MNAT1: variants seen among roughly 807,000 people sequenced by gnomAD.
MNAT1 encodes CDK-activating kinase assembly factor MAT1.
In MNAT1, 43 loss-of-function variants were observed where a neutral mutation model predicts 42.0. The ratio of observed to expected loss-of-function variants is 1.02; its 90% confidence interval spans 0.80 to 1.32. The LOEUF (loss-of-function observed/expected upper bound fraction) is 1.32, where lower values mean the gene tolerates loss of function less well. Among genes scored for constraint, MNAT1 ranks in the 40% most tolerant of loss-of-function variants. The probability of loss-of-function intolerance (pLI) is 0.00; values close to 1 mark genes in which losing one functional copy is unlikely to be tolerated. For missense variants in MNAT1, 306 were observed against 350.4 expected (o/e 0.87, Z 1.01); for synonymous variants, 118 against 120.0 (o/e 0.98, Z 0.11).
At chr14:60,949,042 A>G (rs140057449) in intron 7 of MNAT1, among the ~76,000 whole-genome samples, 178 of 152,324 alleles carry the variant, frequency 1.2e-3, no homozygotes, top group Admixed American at 3.1e-3. Flanking sequence ...TTTATTTTTA[A>G]TAATCACATG....
chr14:60,791,720 T>A (rs1333341609), intron 1 of MNAT1, among the ~76,000 whole-genome samples: 1 of 152,182 alleles, frequency 6.6e-6, no homozygotes, highest in Non-Finnish European at 1.5e-5. Context: ...CTACTTTTAT[T>A]AAGATTGTAT....
intron 6 of MNAT1, among the ~76,000 whole-genome samples, chr14:60,847,335 C>T (rs969223804): frequency 7.5e-5 from 11 of 145,780 alleles, no homozygotes; most frequent in African/African-American, 2.3e-4. Context: ...ACCCAGGAGG[C>T]GGAGGTTGCA....
At chr14:60,960,450 T>G (rs116642433) in intron 7 of MNAT1, among the ~76,000 whole-genome samples, 1 of 152,358 alleles carries the variant, frequency 6.6e-6, no homozygotes, top group African/African-American at 2.4e-5. Context: ...CCATCTAAAT[T>G]CTGGTAACTC....
At chr14:60,921,607 A>C (rs185232218) in intron 7 of MNAT1, among the ~76,000 whole-genome samples, 27 of 152,340 alleles carry the variant, frequency 1.8e-4, no homozygotes, top group African/African-American at 5.8e-4. Context: ...ACAGTTCAGC[A>C]GATGAAAACT....
rs4151195 is a variant in MNAT1 at position 60,790,378 on chromosome 14, C to T, written c.90-5839C>T. 1.1e-3 allele frequency among the ~76,000 whole-genome samples: 165 copies of T among 152,154 alleles called. No homozygotes were observed. In the East Asian group the frequency reaches 0.023, roughly 21 times the overall value. ...TGAATCTCTGATTGCTTCCTCTGCC[C>T]TATTGTTTATGTAAAAATGCAGATT... On this transcript the variant is annotated intron_variant, in intron 1 of 7. Transcript: ENST00000261245.
Position 60,901,654 on chromosome 14 carries a change from G to T in MNAT1, c.809+21819G>T, listed in dbSNP as rs145827608. ...TATCAGCATTATCAGGAATTTGAAA[G>T]AAGTTAATTCCAACCCCATGTTTGA... On this transcript the variant is annotated intron_variant, in intron 7 of 7. Transcript: ENST00000261245. Among the ~76,000 whole-genome samples the T allele has an allele frequency of 1.4e-4, 21 of 152,298 alleles. No individual in the cohort carries two copies. In the East Asian group the frequency reaches 3.9e-3, roughly 28 times the overall value.
chr14:60,855,202 G>A (rs1039363099), intron 6 of MNAT1, among the ~76,000 whole-genome samples: 1 of 152,188 alleles, frequency 6.6e-6, no homozygotes, highest in Non-Finnish European at 1.5e-5. Context: ...TCACACTGCT[G>A]TGCTGGCAGC....
chr14:60,818,920 C>A (rs2032798695), intron 6 of MNAT1, 73 bp downstream of exon 6: 7 of 1,506,210 alleles, frequency 4.6e-6, no homozygotes, highest in Middle Eastern at 1.8e-4. Flanking sequence ...TACACGATTT[C>A]TATAGTAAAC....
At chr14:60,886,279 G>A (rs2034668732) in intron 7 of MNAT1, among the ~76,000 whole-genome samples, 1 of 151,792 alleles carries the variant, frequency 6.6e-6, no homozygotes, top group South Asian at 2.1e-4. Flanking sequence ...TGTTTGTATT[G>A]AAAATGCCAT....
At position 60,740,240 on chromosome 14, in the gene MNAT1, G is replaced by T. The variant is rs750607090; in HGVS notation, c.89+5289G>T. 6.6e-6 allele frequency among the ~76,000 whole-genome samples: 1 copy of T among 152,098 alleles called. No homozygotes were observed. Among genetic ancestry groups the T allele is most frequent in the Admixed American group, 6.6e-5 (1 of 15,258 alleles). On this transcript the variant is annotated intron_variant, in intron 1 of 7. Coordinates refer to ENST00000261245, the MANE Select transcript of MNAT1 (RefSeq NM_002431.4). The surrounding 1 kb of genome is among the most constrained non-coding windows in gnomAD (Gnocchi z 4.1). ...GTGCTAAATCTACTTTTTTCATCAC[G>T]CACGAGACGCAAAGTACAAGATAAG... is the stretch of plus-strand genomic sequence containing the variant.
chr14:60,852,244 T>C (rs1218204049), intron 6 of MNAT1, among the ~76,000 whole-genome samples: 1 of 152,232 alleles, frequency 6.6e-6, no homozygotes, highest in Non-Finnish European at 1.5e-5. Context: ...TGTGAGATGG[T>C]ATCTCATTGT....
intron 7 of MNAT1, among the ~76,000 whole-genome samples, chr14:60,883,660 G>A (rs2034598205): frequency 6.6e-6 from 1 of 151,992 alleles, no homozygotes; most frequent in African/African-American, 2.4e-5. Context: ...TCTGTAGATT[G>A]CTTTGGGTAC....
chr14:60,824,867 A>G (rs2033006257), intron 6 of MNAT1, among the ~76,000 whole-genome samples: 1 of 152,184 alleles, frequency 6.6e-6, no homozygotes, highest in African/African-American at 2.4e-5. Context: ...CTTGAACCAA[A>G]TGCTGAATAT....
intron 7 of MNAT1, among the ~76,000 whole-genome samples, chr14:60,914,038 C>A (rs990412864): frequency 6.6e-6 from 1 of 152,236 alleles, no homozygotes; most frequent in Admixed American, 6.5e-5. Flanking sequence ...GTGCCCCTCC[C>A]CCAGCCTCGC....
intron 6 of MNAT1, among the ~76,000 whole-genome samples, chr14:60,845,560 C>T (rs1467741348): frequency 1.3e-5 from 2 of 151,926 alleles, no homozygotes; most frequent in Non-Finnish European, 2.9e-5. Flanking sequence ...ACAATAAAAT[C>T]CACTCACATT....
chr14:60,751,164 C>T (rs1204028160), intron 1 of MNAT1, among the ~76,000 whole-genome samples: 3 of 151,632 alleles, frequency 2.0e-5, no homozygotes, highest in Non-Finnish European at 4.4e-5. Context: ...CATAGCCCAC[C>T]TGGACAGCTC....
intron 6 of MNAT1, among the ~76,000 whole-genome samples, chr14:60,848,401 C>A (rs2033733267): frequency 1.3e-5 from 2 of 151,950 alleles, no homozygotes; most frequent in East Asian, 1.9e-4. Flanking sequence ...ATTTTGTCAC[C>A]CTTTTTGGGC....
At chr14:60,742,259 A>AT (rs1048094917) in intron 1 of MNAT1, among the ~76,000 whole-genome samples, 6 of 149,816 alleles carry the variant, frequency 4.0e-5, no homozygotes, top group East Asian at 2.0e-4. Flanking sequence ...CTAATTTTTA[A>AT]TTTTTTTTTG....
At chr14:60,869,196 AT>A (rs533524400) in intron 6 of MNAT1, among the ~76,000 whole-genome samples, 5,142 of 136,364 alleles carry the variant, frequency 0.038, 110 homozygotes, top group Middle Eastern at 0.075. Context: ...TGCCCAGCTA[AT>A]TTTTTTTTTT....
Sources: allele counts gnomAD v4.1 joint callset (sites outside exome capture counted in the v4.1 genomes callset), GRCh38; gene constraint gnomAD v4.1.1; non-coding constraint Gnocchi (gnomAD v3.1); transcripts MANE v1.5; gene names NCBI Gene and HGNC (gene_info 2026-07-23, HGNC 2026-07-21).